The following TAF4B variants were observed in gnomAD, a reference collection of about 807,000 sequenced individuals.
TAF4B encodes TATA-box binding protein associated factor 4b, also known as transcription initiation factor TFIID subunit 4B.
TAF4B carries 38 observed loss-of-function variants against 86.4 expected under a neutral mutation model. The observed-to-expected ratio is 0.44, with a 90% CI of 0.34 to 0.58. TAF4B has a LOEUF of 0.58. TAF4B is among the 20% of genes least tolerant of loss of function. The probability of loss-of-function intolerance (pLI) is 0.02; values close to 1 mark genes in which losing one functional copy is unlikely to be tolerated. For synonymous variants in TAF4B, 388 were observed against 391.2 expected (o/e 0.99, Z 0.10); for missense variants, 988 against 1,027.6 (o/e 0.96, Z 0.53).
chr18:26,240,390 G>A (rs1456870143), intron 1 of TAF4B, among the ~76,000 whole-genome samples: 10 of 152,168 alleles, frequency 6.6e-5, no homozygotes, highest in Admixed American at 5.9e-4. Context: ...CTGTTTGTCT[G>A]TTATTGGTGT....
intron 14 of TAF4B, among the ~76,000 whole-genome samples, chr18:26,374,054 G>A (rs1598838274): frequency 1.3e-5 from 2 of 152,116 alleles, no homozygotes; most frequent in East Asian, 3.8e-4. Context: ...AAAATATTGA[G>A]CTCACAGAAT....
chr18:26,280,731 A>G (rs1018619654), intron 5 of TAF4B, among the ~76,000 whole-genome samples: 3 of 152,188 alleles, frequency 2.0e-5, no homozygotes, highest in Non-Finnish European at 4.4e-5. Context: ...TACTGTGGAA[A>G]GCGGTTTGAA....
chr18:26,251,103 A>G (rs1006685712), intron 1 of TAF4B, among the ~76,000 whole-genome samples: 1 of 152,190 alleles, frequency 6.6e-6, no homozygotes, highest in Non-Finnish European at 1.5e-5. Flanking sequence ...TTCCAGTCCT[A>G]TGGAAATGAG....
rs568210123 is a variant in TAF4B at position 26,321,174 on chromosome 18, G to A, written c.2107G>A (p.Ala703Thr). 1.2e-6 allele frequency: 2 copies of A among 1,613,728 alleles called. No individual in the cohort carries two copies. Among genetic ancestry groups the A allele is most frequent in the East Asian group, 4.5e-5 (2 of 44,812 alleles). Residue 703 changes from alanine to threonine, a missense_variant, in exon 11 of 15, where the codon GCT becomes ACT. Physicochemically the swap from Ala to Thr is moderately conservative, Grantham distance 58 (BLOSUM62 0). Around this residue, in one of 3 missense-constraint regions of TAF4B, gnomAD observed 216 missense variants for 238.4 expected, o/e 0.91. Transcript: ENST00000269142. The part of the protein sequence containing the change: ...RGLLEKLTAI[A>T]QHRMTTYKAS... ...CCTTCTAGAAAAACTGACTGCAATT[G>A]CTCAGCATCGAATGACTACTTACAA...
intron 13 of TAF4B, chr18:26,348,548 A>C (rs893713416): frequency 6.5e-6 from 1 of 154,098 alleles, no homozygotes; most frequent in Non-Finnish European, 1.5e-5. Context: ...AACCTTACAA[A>C]TGTAGTGACT....
At chr18:26,285,234 T>TGTTTTTTTTTTTTG (rs1598757949) in intron 6 of TAF4B, among the ~76,000 whole-genome samples, 1 of 82,710 alleles carries the variant, frequency 1.2e-5, no homozygotes, top group Non-Finnish European at 3.0e-5. Context: ...TTTTTTTTTT[T>TGTTTTTTTTTTTTG]TTGGAGATGG....
At position 26,391,299 on chromosome 18, in the gene TAF4B, ATGAT is replaced by A. The variant is rs1978695711; in HGVS notation, c.*1291_*1294del. 1 of 151,874 alleles carries A rather than the reference ATGAT, an allele frequency of 6.6e-6. No homozygotes were observed. The highest frequency in any genetic ancestry group is 2.4e-5 in the African/African-American group (1 of 41,374). The allele number at this position is 151,874 out of a possible 1,614,324, so 9.4% of individuals were successfully genotyped here. ...AGTTAGAATCACATACAGAAAAAAA[ATGAT>A]TGAATCCTCCAAGAAGGTATTTCAA... On this transcript the variant is annotated 3_prime_UTR_variant, in exon 15 of 15. Coordinates refer to ENST00000269142, the MANE Select transcript of TAF4B (RefSeq NM_005640.3).
chr18:26,269,224 AGT>A (rs200743354), intron 3 of TAF4B, among the ~76,000 whole-genome samples: 33,192 of 152,012 alleles, frequency 0.22, 4,331 homozygotes, highest in Non-Finnish European at 0.3. Context: ...AAAGTCCTCC[AGT>A]GAGTGTTTGT....
intron 14 of TAF4B, among the ~76,000 whole-genome samples, chr18:26,384,373 G>C (rs1485160187): frequency 5.3e-5 from 8 of 152,208 alleles, no homozygotes; most frequent in Non-Finnish European, 1.0e-4. Flanking sequence ...ATATTGAAAA[G>C]CTTAGTTGAT....
chr18:26,343,883 A>G (rs1477483830), intron 13 of TAF4B, among the ~76,000 whole-genome samples: 1 of 152,194 alleles, frequency 6.6e-6, no homozygotes, highest in Non-Finnish European at 1.5e-5. Flanking sequence ...TACAATACAA[A>G]ATCACTTGAC....
intron 3 of TAF4B, among the ~76,000 whole-genome samples, chr18:26,272,981 A>G (rs1345416974): frequency 6.6e-6 from 1 of 152,162 alleles, no homozygotes; most frequent in African/African-American, 2.4e-5. Context: ...CTCATCATTA[A>G]TCAGTAATTT....
chr18:26,302,716 A>G (rs1208486408), intron 9 of TAF4B, among the ~76,000 whole-genome samples: 1 of 151,898 alleles, frequency 6.6e-6, no homozygotes, highest in Non-Finnish European at 1.5e-5. Flanking sequence ...TGTTTTTGCT[A>G]TGGTTTGGAG....
chr18:26,362,056 A>T (rs955485751), intron 14 of TAF4B, among the ~76,000 whole-genome samples: 1 of 152,206 alleles, frequency 6.6e-6, no homozygotes, highest in Non-Finnish European at 1.5e-5. Flanking sequence ...CTACTACAGT[A>T]ACATTATACA....
chr18:26,281,270 A>AT (rs34258444), intron 5 of TAF4B, among the ~76,000 whole-genome samples: 12,498 of 150,510 alleles, frequency 0.083, 610 homozygotes, highest in Middle Eastern at 0.13. Context: ...TAAAAGCTGA[A>AT]TTTTTTTTTT....
chr18:26,303,254 A>ACTTTCATACTCCCTCCG (rs2056758790), intron 9 of TAF4B, among the ~76,000 whole-genome samples: 1 of 100,426 alleles, frequency 1.0e-5, no homozygotes, highest in African/African-American at 3.7e-5. Flanking sequence ...TACTCCCTCC[A>ACTTTCATACTCCCTCCG]CTTTCATCCT....
At chr18:26,387,062 T>G (rs1027556653) in intron 14 of TAF4B, among the ~76,000 whole-genome samples, 1 of 152,140 alleles carries the variant, frequency 6.6e-6, no homozygotes. Context: ...GTTAAATGTA[T>G]TGTAGTTGTT....
intron 10 of TAF4B, among the ~76,000 whole-genome samples, chr18:26,318,309 G>T (rs1473402110): frequency 6.6e-6 from 1 of 151,406 alleles, no homozygotes; most frequent in Non-Finnish European, 1.5e-5. Flanking sequence ...CAAACCTGTC[G>T]AATAATATGG....
chr18:26,337,008 G>C (rs1199867070), intron 13 of TAF4B, among the ~76,000 whole-genome samples: 1 of 152,214 alleles, frequency 6.6e-6, no homozygotes, highest in African/African-American at 2.4e-5. Context: ...AAATCTGTGA[G>C]AGGAAATGTA....
intron 3 of TAF4B, among the ~76,000 whole-genome samples, chr18:26,271,873 G>A (rs1282725242): frequency 6.7e-6 from 1 of 148,594 alleles, no homozygotes; most frequent in African/African-American, 2.5e-5. Flanking sequence ...ATTGCAGTGA[G>A]CCGAGATCGC....
Sources: gnomAD v4.1 joint callset for allele counts (sites outside exome capture counted in the v4.1 genomes callset) on GRCh38, gnomAD v4.1.1 for gene constraint, gnomAD v4.1.1 regional missense constraint, MANE v1.5 for transcripts, NCBI Gene and HGNC (gene_info 2026-07-23, HGNC 2026-07-21) for gene names.